The following ZHX3 variants were observed in gnomAD, a reference collection of about 807,000 sequenced individuals.
ZHX3 encodes the protein zinc fingers and homeoboxes protein 3.
ZHX3 carries 20 observed loss-of-function variants against 64.5 expected under a neutral mutation model. That is an observed-to-expected ratio of 0.31 (90% CI 0.22 to 0.45). ZHX3 has a LOEUF of 0.45. Ranked by LOEUF, ZHX3 falls within the 20% of genes least tolerant of loss-of-function variation. The probability of loss-of-function intolerance (pLI) is 1.00; values close to 1 mark genes in which losing one functional copy is unlikely to be tolerated. For missense variants in ZHX3, 1,041 were observed against 1,195.8 expected (o/e 0.87, Z 1.91); for synonymous variants, 423 against 461.6 (o/e 0.92, Z 1.07).
chr20:41,281,953 G>A (rs2043698483), intron 1 of ZHX3, among the ~76,000 whole-genome samples: 1 of 152,208 alleles, frequency 6.6e-6, no homozygotes, highest in South Asian at 2.1e-4. Flanking sequence ...GATGACAGTG[G>A]CCCACATTAG....
intron 2 of ZHX3, among the ~76,000 whole-genome samples, chr20:41,244,734 T>C (rs1333714280): frequency 2.6e-5 from 4 of 152,124 alleles, no homozygotes; most frequent in Non-Finnish European, 5.9e-5. Flanking sequence ...GCTAATAGAA[T>C]AGTCATAATG....
chr20:41,280,488 TC>T (rs2043621717), intron 1 of ZHX3, among the ~76,000 whole-genome samples: 1 of 152,222 alleles, frequency 6.6e-6, no homozygotes, highest in Admixed American at 6.5e-5. Flanking sequence ...AGATACCATT[TC>T]AAAGATCTAT....
chr20:41,311,995 C>G (rs962828372), intron 1 of ZHX3, among the ~76,000 whole-genome samples: 2 of 152,194 alleles, frequency 1.3e-5, no homozygotes, highest in Admixed American at 1.3e-4. Context: ...CTTGTAGTCT[C>G]TATTGGGGGA....
At chr20:41,194,534 T>C (rs1485271057) in intron 3 of ZHX3, among the ~76,000 whole-genome samples, 2 of 144,136 alleles carry the variant, frequency 1.4e-5, no homozygotes, top group East Asian at 4.2e-4. Context: ...AGATTTCTTT[T>C]CTTGTAGTGC....
At chr20:41,292,506 G>A (rs6124336) in intron 1 of ZHX3, among the ~76,000 whole-genome samples, 39,323 of 152,032 alleles carry the variant, frequency 0.26, 5,900 homozygotes, top group East Asian at 0.74. Flanking sequence ...TCTCCCCTAA[G>A]CTAAAAGATT....
At chr20:41,291,475 A>C (rs958886961) in intron 1 of ZHX3, among the ~76,000 whole-genome samples, 19 of 152,232 alleles carry the variant, frequency 1.2e-4, no homozygotes, top group African/African-American at 4.6e-4. Flanking sequence ...CGCAGTAATT[A>C]TGATAGAAAT....
At chr20:41,285,125 C>T (rs1384993757) in intron 1 of ZHX3, among the ~76,000 whole-genome samples, 3 of 151,944 alleles carry the variant, frequency 2.0e-5, no homozygotes, top group Non-Finnish European at 4.4e-5. Context: ...CTGTTTTATC[C>T]CTCTCATGGA....
chr20:41,197,544 C>A (rs1257536720), intron 3 of ZHX3, among the ~76,000 whole-genome samples: 2 of 151,476 alleles, frequency 1.3e-5, no homozygotes, highest in East Asian at 1.9e-4. Flanking sequence ...TTACTTTCAA[C>A]CTCCTTGTGT....
At position 41,204,329 on chromosome 20, in the gene ZHX3, G is replaced by A; in HGVS notation, c.588C>T (p.Ala196=). Residue 196 remains alanine, a synonymous_variant, in exon 3 of 4, where the codon GCC becomes GCT. Transcript: ENST00000683867. The surrounding 1 kb of genome is among the most constrained non-coding windows in gnomAD (Gnocchi z 6.6). Reference sequence around the variant, plus strand: ...TCTCCTTGAGTGTATGAATTTTTTTGGCTTCAGCTTTGCCTTTCATTATCT... The same window carrying A: ...TCTCCTTGAGTGTATGAATTTTTTTAGCTTCAGCTTTGCCTTTCATTATCT... The part of the protein sequence containing the change: ...IMKIMKGKAE[A]KKIHTLKENV... 1 of 1,614,120 alleles carries A rather than the reference G, an allele frequency of 6.2e-7. No individual in the cohort carries two copies. The highest frequency in any genetic ancestry group is 1.7e-5 in the Admixed American group (1 of 60,022).
rs543268596 is a variant in ZHX3 at position 41,281,746 on chromosome 20, T to C, written c.-244-12663A>G. Among the ~76,000 whole-genome samples, 4 of 152,330 alleles carry C rather than the reference T, an allele frequency of 2.6e-5. No homozygotes were observed. The South Asian group carries it at 8.3e-4, about 32-fold the overall frequency. On this transcript the variant is annotated intron_variant, in intron 1 of 3. Transcript: ENST00000683867. ...AATTAGTCCACAGCCATGTCACATA[T>C]CACCTTGCAAACAGTGATGGGTGTT...
intron 2 of ZHX3, among the ~76,000 whole-genome samples, chr20:41,268,355 T>C: frequency 8.5e-6 from 1 of 117,082 alleles, no homozygotes; most frequent in East Asian, 5.8e-4. Flanking sequence ...AGGCTCTATT[T>C]ACAATGATTG....
chr20:41,266,547 CTTT>C (rs56086714), intron 2 of ZHX3, among the ~76,000 whole-genome samples: 156 of 140,696 alleles, frequency 1.1e-3, no homozygotes, highest in Middle Eastern at 3.7e-3. Flanking sequence ...CCCAATCTTT[CTTT>C]TTTTTTTTTT....
intron 2 of ZHX3, among the ~76,000 whole-genome samples, chr20:41,216,427 T>C (rs2039538004): frequency 6.6e-6 from 1 of 152,232 alleles, no homozygotes; most frequent in South Asian, 2.1e-4. Flanking sequence ...TTCCTAGGCA[T>C]AGCTTACTAT....
intron 2 of ZHX3, among the ~76,000 whole-genome samples, chr20:41,238,217 T>C (rs1439530879): frequency 3.9e-5 from 6 of 152,210 alleles, no homozygotes; most frequent in Non-Finnish European, 7.3e-5. Flanking sequence ...CATTATTTGT[T>C]TGCATTTATG....
intron 2 of ZHX3, among the ~76,000 whole-genome samples, chr20:41,239,025 C>CG: frequency 1.0e-5 from 1 of 98,926 alleles, no homozygotes; most frequent in African/African-American, 4.2e-5. Context: ...TTTTGGGAGA[C>CG]GGAGTCTTGC....
intron 3 of ZHX3, among the ~76,000 whole-genome samples, chr20:41,199,090 A>G (rs1291191151): frequency 2.0e-5 from 3 of 151,812 alleles, no homozygotes; most frequent in Admixed American, 6.6e-5. Context: ...TATAATTTCT[A>G]TCTCTTTATT....
intron 2 of ZHX3, among the ~76,000 whole-genome samples, chr20:41,247,242 T>A (rs376884696): frequency 2.6e-5 from 4 of 152,320 alleles, no homozygotes; most frequent in African/African-American, 9.6e-5. Context: ...CACTCCAGCC[T>A]GGGTGACAGA....
chr20:41,194,641 T>C (rs1483435790), intron 3 of ZHX3, among the ~76,000 whole-genome samples: 1 of 152,234 alleles, frequency 6.6e-6, no homozygotes, highest in Non-Finnish European at 1.5e-5. Flanking sequence ...GGAGAACTGG[T>C]GTGTTAATTC....
At chr20:41,290,373 C>G (rs1345488636) in intron 1 of ZHX3, 2 of 152,224 alleles carry the variant, frequency 1.3e-5, no homozygotes, top group Non-Finnish European at 2.9e-5. Context: ...TTTTGACCTT[C>G]TTTGTTTCTG....
Sources: allele counts gnomAD v4.1 joint callset (sites outside exome capture counted in the v4.1 genomes callset), GRCh38; gene constraint gnomAD v4.1.1; non-coding constraint Gnocchi (gnomAD v3.1); transcripts MANE v1.5; gene names NCBI Gene and HGNC (gene_info 2026-07-23, HGNC 2026-07-21).